CCDC163: variants seen among roughly 807,000 people sequenced by gnomAD.
CCDC163 encodes transmembrane protein CCDC163.
In CCDC163, 13 loss-of-function variants were observed where a neutral mutation model predicts 8.2. That is an observed-to-expected ratio of 1.59 (90% CI 1.04 to 2.54). The LOEUF (loss-of-function observed/expected upper bound fraction) is 2.54. Among genes scored for constraint, CCDC163 ranks in the 30% most tolerant of loss-of-function variants. The pLI, the probability that CCDC163 is intolerant of heterozygous loss-of-function variation, is 0.00. For synonymous variants in CCDC163, 41 were observed against 30.9 expected (o/e 1.33, Z -1.08); for missense variants, 117 against 78.6 (o/e 1.49, Z -1.85).
chr1:45,495,263 A>G (rs973283343), intron 4 of CCDC163, 97 bp from the exon 5 acceptor site: 4 of 751,626 alleles, frequency 5.3e-6, no homozygotes, highest in African/African-American at 5.1e-5. Context: ...AGAGGGACAT[A>G]GAGGACTGAC....
At chr1:45,496,301 C>T (rs1188029623) in intron 4 of CCDC163, 13 of 560,362 alleles carry the variant, frequency 2.3e-5, no homozygotes, top group Non-Finnish European at 2.9e-5. Context: ...CCAAACCTCT[C>T]CCTCTCTCCC....
Position 45,499,726 on chromosome 1 carries a change from A to T in CCDC163, c.-117T>A. 1 of 658,470 alleles carries T rather than the reference A, an allele frequency of 1.5e-6. No individual in the cohort carries two copies. Among genetic ancestry groups the T allele is most frequent in the Non-Finnish European group, 2.8e-6 (1 of 359,820 alleles). The allele number at this position is 658,470 out of a possible 1,614,324, so 40.8% of individuals were successfully genotyped here. On this transcript the variant is annotated 5_prime_UTR_variant, in exon 1 of 5. Transcript: ENST00000629482. ...GCCACCACGTTAGATGGAAAGAGGG[A>T]AGTGGGGATGCAACACTGGGGTAGG... is the stretch of plus-strand genomic sequence containing the variant.
At chr1:45,497,504 C>G (rs1162626176) in intron 2 of CCDC163, 121 bp from the exon 3 acceptor site, 1 of 606,164 alleles carries the variant, frequency 1.6e-6, no homozygotes, top group African/African-American at 1.9e-5. Flanking sequence ...TCAAAGGCCT[C>G]AAGAAGGCAA....
chr1:45,496,508 G>A (rs752778916), intron 4 of CCDC163, 48 bp downstream of exon 4: 2 of 769,182 alleles, frequency 2.6e-6, no homozygotes, highest in South Asian at 2.8e-5. Flanking sequence ...AGAAAGGAAA[G>A]GTCCTCCATA....
In CCDC163 at chr1:45,499,373, C is replaced by A; in HGVS notation, c.149G>T (p.Gly50Val). Residue 50 changes from glycine to valine, a missense_variant, in exon 2 of 5, where the codon GGC (glycine) becomes GTC (valine). Physicochemically the swap from Gly to Val is moderately radical, Grantham distance 109. Coordinates refer to ENST00000629482, the MANE Select transcript of CCDC163 (RefSeq NM_001102601.3). ...CGGTGGAGACCCCAAGAAGATACAG[C>A]CACTGCTACAGAAGAAACAGATGCA... is the stretch of plus-strand genomic sequence containing the variant. ...GLCICFFCSS[G>V]CIFLGSPPQN... is the part of the protein sequence containing the mutation. 2.6e-6 allele frequency: 2 copies of A among 771,918 alleles called. No individual in the cohort carries two copies. Among genetic ancestry groups the A allele is most frequent in the South Asian group, 2.7e-5 (2 of 73,838 alleles). The allele number at this position is 771,918 out of a possible 1,614,324, so 47.8% of individuals were successfully genotyped here.
intron 2 of CCDC163, among the ~76,000 whole-genome samples, chr1:45,497,611 C>G (rs1432453406): frequency 3.1e-5 from 4 of 129,980 alleles, no homozygotes; most frequent in African/African-American, 6.0e-5. Context: ...CCTTGGCCTC[C>G]CAAAGTGCCG....
rs1448808486 is a variant in CCDC163, at chr1:45,495,132, G to A, written c.365C>T (p.Pro122Leu). The A allele has an allele frequency of 1.3e-6, 1 of 780,826 alleles. No individual in the cohort carries two copies. Among genetic ancestry groups the A allele is most frequent in the Non-Finnish European group, 2.4e-6 (1 of 417,980 alleles). The allele number at this position is 780,826 out of a possible 1,614,324, so 48.4% of individuals were successfully genotyped here. A position where few individuals can be genotyped will look rare whatever the true frequency, so the allele number is the denominator to read the frequency against. Reference sequence around the variant, plus strand: ...TCTGGGCATGGAGCTGAAAGATGCTGGGCTCCAGGTTAGAAAGGGTGCTCC... The same window carrying A: ...TCTGGGCATGGAGCTGAAAGATGCTAGGCTCCAGGTTAGAAAGGGTGCTCC... Reference protein sequence around the residue: ...PRGAPFLTWSPASFSSMPRVL... With the variant: ...PRGAPFLTWSLASFSSMPRVL... The change falls in exon 5 of 5, where the codon CCA (proline) becomes CTA (leucine). Residue 122 changes from proline to leucine, a missense_variant. Pro to Leu is a moderately conservative substitution (Grantham distance 98). Coordinates refer to ENST00000629482, the MANE Select transcript of CCDC163 (RefSeq NM_001102601.3).
intron 2 of CCDC163, among the ~76,000 whole-genome samples, chr1:45,497,640 G>C (rs867920307): frequency 3.3e-4 from 32 of 95,776 alleles, no homozygotes; most frequent in Admixed American, 7.7e-4. Context: ...GCCTCTGCCC[G>C]GCCGCCACCC....
chr1:45,497,202 A>G (rs1295791648), intron 3 of CCDC163, 97 bp downstream of exon 3: 7 of 612,986 alleles, frequency 1.1e-5, no homozygotes, highest in Non-Finnish European at 1.8e-5. Flanking sequence ...CATCTCAAAA[A>G]GAATAAAAAT....
At position 45,497,395 on chromosome 1, in the gene CCDC163, C is replaced by T; in HGVS notation, c.178-12G>A. On this transcript the variant is annotated splice_polypyrimidine_tract_variant and intron_variant, in intron 2 of 4. Coordinates refer to ENST00000629482, the MANE Select transcript of CCDC163 (RefSeq NM_001102601.3). ...ACAGCAGTGCTATTCTAAAGTCAAT[C>T]AACAAATCCAGAGTAAGAAGGCAAG... 2.6e-6 allele frequency: 2 copies of T among 777,472 alleles called. No homozygotes were observed. The highest frequency in any genetic ancestry group is 4.8e-6 in the Non-Finnish European group (2 of 416,310). 48.2% of individuals were successfully genotyped at this position (777,472 alleles called of 1,614,324 possible).
rs759082258 is a variant in CCDC163, at chr1:45,495,110, G to A, written c.387C>T (p.Pro129=). Residue 129 remains proline, a synonymous_variant, in exon 5 of 5, where the codon CCC becomes CCT. Transcript: ENST00000629482. The part of the protein sequence containing the change: ...TWSPASFSSM[P]RVLSKRTYSF... Reference sequence around the variant, plus strand: ...AATAGGTCCTCTTGCTTAAGACTCTGGGCATGGAGCTGAAAGATGCTGGGC... The same window carrying A: ...AATAGGTCCTCTTGCTTAAGACTCTAGGCATGGAGCTGAAAGATGCTGGGC... 3 of 780,718 alleles carry A rather than the reference G, an allele frequency of 3.8e-6. No homozygotes were observed. The highest frequency in any genetic ancestry group is 7.2e-6 in the Non-Finnish European group (3 of 417,984). 48.4% of individuals were successfully genotyped at this position (780,718 alleles called of 1,614,324 possible).
rs1653967430 is a variant in CCDC163 at position 45,495,097 on chromosome 1, T to A, written c.400A>T (p.Lys134Ter). The change falls in exon 5 of 5, where the codon AAG becomes TAG. Residue 134 changes from lysine (K) to a stop codon, truncating the protein, a stop_gained. Coordinates refer to ENST00000629482, the MANE Select transcript of CCDC163 (RefSeq NM_001102601.3). LOFTEE classifies it high-confidence loss of function. ...GGGGCCCCAAAGGAATAGGTCCTCT[T>A]GCTTAAGACTCTGGGCATGGAGCTG... The part of the protein sequence containing the change: ...SFSSMPRVLS[K>*]RTYSFGAPKC... 1.3e-6 allele frequency: 1 copy of A among 780,738 alleles called. No individual in the cohort carries two copies. The highest frequency in any genetic ancestry group is 1.7e-5 in the African/African-American group (1 of 59,132). 48.4% of individuals were successfully genotyped at this position (780,738 alleles called of 1,614,324 possible).
chr1:45,494,917 G>A lies in CCDC163; in HGVS notation c.*142C>T, dbSNP rs1166609953. 9.5e-6 allele frequency: 6 copies of A among 632,718 alleles called. No homozygotes were observed. Among genetic ancestry groups the A allele is most frequent in the Non-Finnish European group, 1.4e-5 (5 of 350,200 alleles). The allele number at this position is 632,718 out of a possible 1,614,324, so 39.2% of individuals were successfully genotyped here. ...TGAGATGGGGGGCAAGGATGGGCAG[G>A]CAGTGAAAAGCCTCAGTAGATAAGA... On this transcript the variant is annotated 3_prime_UTR_variant, in exon 5 of 5. Coordinates refer to ENST00000629482, the MANE Select transcript of CCDC163 (RefSeq NM_001102601.3).
chr1:45,496,526 A>T (rs1210731874), intron 4 of CCDC163, 30 bp downstream of exon 4: 1 of 778,524 alleles, frequency 1.3e-6, no homozygotes, highest in Admixed American at 1.7e-5. Flanking sequence ...ATAGAGAAAT[A>T]TGCAGAGACA....
At position 45,496,545 on chromosome 1, in the gene CCDC163, C is replaced by T. The variant is rs763528246; in HGVS notation, c.330+11G>A. ...AGAAATATGCAGAGACAAGTCTGAA[C>T]CTAGTCCTACCTTCCAACTGCCAAC... On this transcript the variant is annotated intron_variant, in intron 4 of 4. Coordinates refer to ENST00000629482, the MANE Select transcript of CCDC163 (RefSeq NM_001102601.3). 1.0e-5 allele frequency: 8 copies of T among 780,194 alleles called. No homozygotes were observed. Among genetic ancestry groups the T allele is most frequent in the African/African-American group, 1.7e-5 (1 of 59,124 alleles). The allele number at this position is 780,194 out of a possible 1,614,324, so 48.3% of individuals were successfully genotyped here. A position where few individuals can be genotyped will look rare whatever the true frequency, so the allele number is the denominator to read the frequency against.
At chr1:45,497,465 C>T in intron 2 of CCDC163, 82 bp from the exon 3 acceptor site, 1 of 679,804 alleles carries the variant, frequency 1.5e-6, no homozygotes, top group Non-Finnish European at 2.7e-6. Context: ...GGATGATCCC[C>T]AACTTGTCCC....
rs1653871590 is a variant in CCDC163 at position 45,494,139 on chromosome 1, T to C, written c.*920A>G. 2 of 152,248 alleles carry C rather than the reference T, an allele frequency of 1.3e-5. No individual in the cohort carries two copies. Among genetic ancestry groups the C allele is most frequent in the Admixed American group, 1.3e-4 (2 of 15,274 alleles). The allele number at this position is 152,248 out of a possible 1,614,324, so 9.4% of individuals were successfully genotyped here. The stretch of plus-strand genomic sequence containing the variant: ...GGCTGCTAAGGATGATGTGTGGAGA[T>C]GCCAAAGAGAGCCTCAAGCAGTAGA... On this transcript the variant is annotated 3_prime_UTR_variant, in exon 5 of 5. Coordinates refer to ENST00000629482, the MANE Select transcript of CCDC163 (RefSeq NM_001102601.3).
At position 45,499,990 on chromosome 1, in the gene CCDC163, G is replaced by C. The variant is rs925332147; in HGVS notation, c.-381C>G. On this transcript the variant is annotated 5_prime_UTR_variant, in exon 1 of 5. Coordinates refer to ENST00000629482, the MANE Select transcript of CCDC163 (RefSeq NM_001102601.3). ...AACTTCGGGTTGGTTTTGAAAGTCC[G>C]ACTTTGGACTGGCTGCCGCAGCGCC... The C allele has an allele frequency of 1.0e-5, 5 of 494,706 alleles. No individual in the cohort carries two copies. The highest frequency in any genetic ancestry group is 5.5e-4 in the Middle Eastern group (1 of 1,826). The allele number at this position is 494,706 out of a possible 1,614,324, so 30.6% of individuals were successfully genotyped here.
At chr1:45,496,034 TG>T (rs750924387) in intron 4 of CCDC163, among the ~76,000 whole-genome samples, 3 of 152,214 alleles carry the variant, frequency 2.0e-5, no homozygotes, top group Non-Finnish European at 4.4e-5. Flanking sequence ...AATGCCTTTA[TG>T]GGATACAACC....
Sources: gnomAD v4.1 joint callset for allele counts (sites outside exome capture counted in the v4.1 genomes callset) on GRCh38, gnomAD v4.1.1 for gene constraint, MANE v1.5 for transcripts, NCBI Gene and HGNC (gene_info 2026-07-23, HGNC 2026-07-21) for gene names.